The following ZNF248 variants were observed in gnomAD, a reference collection of about 807,000 sequenced individuals.
The protein encoded by ZNF248 is zinc finger protein 248.
A neutral mutation model predicts 44.3 loss-of-function variants in ZNF248; 20 were observed. The ratio of observed to expected loss-of-function variants is 0.45; its 90% CI spans 0.32 to 0.66. The LOEUF is 0.66. ZNF248 is among the 30% of genes least tolerant of loss of function. The probability of loss-of-function intolerance (pLI) is 0.04; values close to 1 mark genes in which losing one functional copy is unlikely to be tolerated. For synonymous variants in ZNF248, 224 were observed against 229.0 expected (o/e 0.98, Z 0.20); for missense variants, 654 against 677.0 (o/e 0.97, Z 0.38).
intron 6 of ZNF248, among the ~76,000 whole-genome samples, chr10:37,779,031 C>A (rs1040003368): frequency 1.3e-5 from 2 of 152,028 alleles, no homozygotes; most frequent in African/African-American, 4.8e-5. Context: ...AATAGCTTAC[C>A]AAGCAAAAAG....
chr10:37,808,014 A>G (rs975625946), intron 6 of ZNF248, among the ~76,000 whole-genome samples: 6 of 152,012 alleles, frequency 3.9e-5, no homozygotes, highest in Non-Finnish European at 8.8e-5. Context: ...GTTTCCTTCT[A>G]TTTCTTACAC....
At chr10:37,782,229 A>G (rs1589015994) in intron 6 of ZNF248, among the ~76,000 whole-genome samples, 1 of 152,302 alleles carries the variant, frequency 6.6e-6, no homozygotes, top group African/African-American at 2.4e-5. Flanking sequence ...TTTTGGAAAC[A>G]GATTGTTTTT....
intron 6 of ZNF248, among the ~76,000 whole-genome samples, chr10:37,786,440 A>C (rs1013574850): frequency 1.3e-5 from 2 of 152,200 alleles, no homozygotes; most frequent in Non-Finnish European, 2.9e-5. Flanking sequence ...CAACAACATC[A>C]GCTCCAATAG....
chr10:37,812,577 G>C (rs969629796), intron 6 of ZNF248, among the ~76,000 whole-genome samples: 5 of 152,118 alleles, frequency 3.3e-5, no homozygotes, highest in African/African-American at 1.2e-4. Context: ...ACCATGCTTT[G>C]TCCCTGAAGT....
At chr10:37,816,057 A>G (rs1364228166) in intron 6 of ZNF248, among the ~76,000 whole-genome samples, 1 of 151,804 alleles carries the variant, frequency 6.6e-6, no homozygotes, top group Non-Finnish European at 1.5e-5. Flanking sequence ...TTAAATCCTC[A>G]GGAATTTACT....
intron 3 of ZNF248, among the ~76,000 whole-genome samples, chr10:37,845,158 A>G (rs909022683): frequency 1.3e-5 from 2 of 151,042 alleles, no homozygotes; most frequent in South Asian, 4.2e-4. Flanking sequence ...AGGAGCTGGG[A>G]CTCCAGGCAC....
chr10:37,818,928 C>CCA, intron 6 of ZNF248: 1 of 1,107,530 alleles, frequency 9.0e-7, no homozygotes, highest in Non-Finnish European at 1.4e-6. Flanking sequence ...CACCCACCGA[C>CCA]CACACAACAA....
At chr10:37,770,481 A>C in the ZNF248 span, among the ~76,000 whole-genome samples, 2 of 152,326 alleles carry the variant, frequency 1.3e-5, no homozygotes, top group Non-Finnish European at 2.9e-5. Context: ...ATCTACAACC[A>C]TCTGATCTTT....
intron 3 of ZNF248, among the ~76,000 whole-genome samples, chr10:37,843,426 A>G (rs2058715744): frequency 6.7e-6 from 1 of 150,248 alleles, no homozygotes; most frequent in African/African-American, 2.4e-5. Context: ...TCTGCCTCAA[A>G]AAAAAAAAAA....
downstream of ZNF248, among the ~76,000 whole-genome samples, chr10:37,772,110 C>G (rs1472316826): frequency 6.6e-6 from 1 of 152,026 alleles, no homozygotes; most frequent in Non-Finnish European, 1.5e-5. Flanking sequence ...ACCAAAAGTA[C>G]AAAAATCAGC....
chr10:37,779,711 G>A (rs928551368), intron 6 of ZNF248, among the ~76,000 whole-genome samples: 1 of 151,244 alleles, frequency 6.6e-6, no homozygotes, highest in African/African-American at 2.4e-5. Flanking sequence ...ATTAAGAAAA[G>A]AGGAAGTCAA....
chr10:37,854,358 T>C (rs112619730), intron 3 of ZNF248, among the ~76,000 whole-genome samples: 2,252 of 151,780 alleles, frequency 0.015, 56 homozygotes, highest in African/African-American at 0.051. Context: ...TACACAAGGG[T>C]AAAAGACACT....
chr10:37,818,060 C>T (rs1300451584), intron 6 of ZNF248, among the ~76,000 whole-genome samples: 8 of 152,012 alleles, frequency 5.3e-5, no homozygotes, highest in African/African-American at 1.7e-4. Context: ...GGACTATAGG[C>T]GCCCACCACC....
intron 6 of ZNF248, among the ~76,000 whole-genome samples, chr10:37,791,038 A>ATTTTTTTTT (rs1554813574): frequency 1.0e-4 from 4 of 39,644 alleles, no homozygotes; most frequent in East Asian, 7.7e-4. Context: ...ATACTTTGTT[A>ATTTTTTTTT]TTTCTTTTTT....
intron 1 of ZNF248, chr10:37,856,845 G>C (rs928401550): frequency 2.4e-6 from 1 of 416,978 alleles, no homozygotes; most frequent in Non-Finnish European, 3.2e-6. Flanking sequence ...GCAGTGGCTC[G>C]GGAAACTGCA....
At chr10:37,849,046 T>A (rs2059783663) in intron 3 of ZNF248, among the ~76,000 whole-genome samples, 1 of 152,224 alleles carries the variant, frequency 6.6e-6, no homozygotes. Context: ...AAATTAATCC[T>A]AATATCTTCA....
At chr10:37,818,776 G>T in intron 6 of ZNF248, 3 of 761,970 alleles carry the variant, frequency 3.9e-6, no homozygotes, top group African/African-American at 1.8e-5. Flanking sequence ...TCAAATAAAC[G>T]CCTTTGCTTC....
the ZNF248 span, among the ~76,000 whole-genome samples, chr10:37,765,042 C>T: frequency 8.5e-5 from 13 of 152,138 alleles, no homozygotes; most frequent in East Asian, 2.3e-3. Context: ...CTCACCGCAA[C>T]CTCTGCCTCC....
chr10:37,808,061 A>AC (rs1491098337), intron 6 of ZNF248, among the ~76,000 whole-genome samples: 1 of 152,108 alleles, frequency 6.6e-6, no homozygotes, highest in Non-Finnish European at 1.5e-5. Context: ...TCATTATGAA[A>AC]GAGTGTTGAA....
Sources: allele counts gnomAD v4.1 joint callset (sites outside exome capture counted in the v4.1 genomes callset), GRCh38; gene constraint gnomAD v4.1.1; transcripts MANE v1.5; gene names NCBI Gene and HGNC (gene_info 2026-07-23, HGNC 2026-07-21).